Variants in ERG observed in about 807,000 individuals in gnomAD.
ERG encodes the protein ETS transcription factor ERG, also known as transcriptional regulator ERG.
Under a neutral mutation model 55.3 loss-of-function variants are expected in ERG, and 9 were observed. That is an observed-to-expected ratio of 0.16 (90% CI 0.10 to 0.28). The LOEUF (loss-of-function observed/expected upper bound fraction) is 0.28. Ranked by LOEUF, ERG falls within the 10% of genes least tolerant of loss-of-function variation. The pLI is 1.00. For missense variants in ERG, 434 were observed against 631.6 expected (o/e 0.69, Z 3.35); for synonymous variants, 223 against 237.3 (o/e 0.94, Z 0.55).
At chr21:38,597,472 TACACACACACAC>T (rs3065420) in intron 1 of ERG, among the ~76,000 whole-genome samples, 1 of 148,154 alleles carries the variant, frequency 6.7e-6, no homozygotes, top group South Asian at 2.2e-4. Context: ...TATATATATC[TACACACACACAC>T]ACACACACAC....
chr21:38,380,700 A>G lies in ERG; in HGVS notation c.*2703T>C. ...GTATTTGAAGGAACTCAGTATTATC[A>G]TGTTATCCAAAATTATCCCAGTTGC... On this transcript the variant is annotated 3_prime_UTR_variant, in exon 10 of 10. Coordinates refer to ENST00000288319, the MANE Select transcript of ERG (RefSeq NM_182918.4). 9.4e-7 allele frequency: 1 copy of G among 1,064,990 alleles called. No individual in the cohort carries two copies. The highest frequency in any genetic ancestry group is 1.1e-6 in the Non-Finnish European group (1 of 879,122). 66.0% of individuals were successfully genotyped at this position (1,064,990 alleles called of 1,614,324 possible).
chr21:38,440,378 C>T (rs2058829099), intron 2 of ERG, among the ~76,000 whole-genome samples: 1 of 152,234 alleles, frequency 6.6e-6, no homozygotes, highest in Non-Finnish European at 1.5e-5. Context: ...CCCTCCGTGG[C>T]AGAATCTGCG....
intron 9 of ERG, among the ~76,000 whole-genome samples, chr21:38,385,146 T>G (rs1236957300): frequency 1.3e-5 from 2 of 152,192 alleles, no homozygotes; most frequent in African/African-American, 4.8e-5. Flanking sequence ...GGCACATCAT[T>G]CTAGCTGCTA....
At position 38,559,134 on chromosome 21, in the gene ERG, T is replaced by C. The variant is rs185401090; in HGVS notation, c.-41+16528A>G. Among the ~76,000 whole-genome samples, 444 of 152,232 alleles carry C rather than the reference T, an allele frequency of 2.9e-3. 4 individuals are homozygous for C. The highest frequency in any genetic ancestry group is 0.01 in the African/African-American group (418 of 41,524). On this transcript the variant is annotated intron_variant, in intron 2 of 8. Transcript: ENST00000398897. ...GCCACAGACCTTGCTCCATGAATCC[T>C]AGCTGATGGGCTGGCACAGAGAGAT...
chr21:38,620,638 T>A (rs559894748), intron 1 of ERG, among the ~76,000 whole-genome samples: 1 of 152,196 alleles, frequency 6.6e-6, no homozygotes, highest in African/African-American at 2.4e-5. Context: ...GTATTATCAA[T>A]GACATTTGTG....
intron 2 of ERG, among the ~76,000 whole-genome samples, chr21:38,522,420 G>C (rs554435349): frequency 1.3e-5 from 2 of 151,970 alleles, no homozygotes; most frequent in African/African-American, 4.8e-5. Context: ...TATTGGTATT[G>C]CAAGAAGAGG....
At chr21:38,386,555 T>C (rs370583671) in intron 9 of ERG, among the ~76,000 whole-genome samples, 1 of 152,362 alleles carries the variant, frequency 6.6e-6, no homozygotes, top group East Asian at 1.9e-4. Context: ...TAAATTCTTA[T>C]TTTACTTCCA....
At chr21:38,571,469 C>A (rs2059957121) in intron 2 of ERG, among the ~76,000 whole-genome samples, 1 of 151,760 alleles carries the variant, frequency 6.6e-6, no homozygotes, top group East Asian at 1.9e-4. Context: ...CATAATCATA[C>A]CACTGCACTC....
chr21:38,585,475 A>C (rs993189354), upstream of ERG, among the ~76,000 whole-genome samples: 2 of 148,884 alleles, frequency 1.3e-5, no homozygotes, highest in Non-Finnish European at 3.0e-5. Flanking sequence ...GAAAGAAAAA[A>C]ATCTTTCTTA....
intron 1 of ERG, among the ~76,000 whole-genome samples, chr21:38,469,002 GAAAAAAA>G (rs796522125): frequency 1.6e-5 from 1 of 62,096 alleles, no homozygotes; most frequent in Non-Finnish European, 3.9e-5. Context: ...AAAAAAAAAA[GAAAAAAA>G]AAAAAGAAAA....
At position 38,403,363 on chromosome 21, in the gene ERG, A is replaced by C. The variant is rs965462465; in HGVS notation, c.592+143T>G. On this transcript the variant is annotated intron_variant, in intron 4 of 9. Coordinates refer to ENST00000288319, the MANE Select transcript of ERG (RefSeq NM_182918.4). Reference sequence around the variant, plus strand: ...TTGCTCCCCTAAGTCATCACATACCAAGCATGTGGCTCCCTCGGATCCCCA... The same window carrying C: ...TTGCTCCCCTAAGTCATCACATACCCAGCATGTGGCTCCCTCGGATCCCCA... The C allele has an allele frequency of 1.6e-5, 12 of 758,252 alleles. No individual in the cohort carries two copies. The Admixed American group carries it at 2.4e-4, about 15-fold the overall frequency. 47.0% of individuals were successfully genotyped at this position (758,252 alleles called of 1,614,324 possible).
rs1447552403 is a variant in ERG at position 38,383,602 on chromosome 21, T to G, written c.1241A>C (p.Asp414Ala). Residue 414 changes from aspartate (D) to alanine (A), a missense_variant, in exon 10 of 10, where the codon GAC becomes GCC. This residue lies in a region of ERG where 107 missense variants were observed against 126.8 expected (regional missense o/e 0.84). Transcript: ENST00000288319. The surrounding 1 kb of genome is among the most constrained non-coding windows in gnomAD (Gnocchi z 5.7). ...PESSLYKYPS[D>A]LPYMGSYHAH... is the part of the protein sequence containing the mutation. ...GTGATAGGAGCCCATGTACGGGAGG[T>G]CTGAGGGGTACTTGTACAGAGATGA... The G allele has an allele frequency of 1.2e-6, 2 of 1,612,582 alleles. No individual in the cohort carries two copies. Among genetic ancestry groups the G allele is most frequent in the Non-Finnish European group, 1.7e-6 (2 of 1,179,372 alleles).
chr21:38,573,859 G>T (rs1373558159), intron 2 of ERG, among the ~76,000 whole-genome samples: 17 of 152,188 alleles, frequency 1.1e-4, no homozygotes, highest in Admixed American at 1.1e-3. Context: ...ACCCACAGTT[G>T]TGGAGGGGAA....
intron 2 of ERG, among the ~76,000 whole-genome samples, chr21:38,571,742 C>CT (rs1262804266): frequency 3.3e-5 from 5 of 152,070 alleles, no homozygotes; most frequent in South Asian, 2.1e-4. Context: ...ACCACCCCTC[C>CT]TTTTTTTATT....
chr21:38,410,925 C>A (rs1344134926), intron 3 of ERG, among the ~76,000 whole-genome samples: 1 of 152,040 alleles, frequency 6.6e-6, no homozygotes, highest in Non-Finnish European at 1.5e-5. Flanking sequence ...ATGAAAAAAA[C>A]ATCAAAAAAT....
Position 38,380,322 on chromosome 21 carries a change from A to G in ERG, c.*3081T>C, listed in dbSNP as rs888813085. ...GGTGCCACATCTGTGCAGAAGGCTT[A>G]GGAGAAGCAGTGAGCCTTCTAACTG... is the stretch of plus-strand genomic sequence containing the variant. On this transcript the variant is annotated 3_prime_UTR_variant, in exon 10 of 10. Coordinates refer to ENST00000288319, the MANE Select transcript of ERG (RefSeq NM_182918.4). The G allele has an allele frequency of 2.4e-5, 25 of 1,056,428 alleles. No individual in the cohort carries two copies. Among genetic ancestry groups the G allele is most frequent in the Admixed American group, 1.1e-4 (2 of 18,434 alleles). 65.4% of individuals were successfully genotyped at this position (1,056,428 alleles called of 1,614,324 possible).
chr21:38,461,188 G>A (rs754398431), intron 1 of ERG, among the ~76,000 whole-genome samples: 27 of 152,132 alleles, frequency 1.8e-4, no homozygotes, highest in Non-Finnish European at 1.5e-4. Flanking sequence ...AAGTAGCAGC[G>A]GGGTTGATTC....
chr21:38,426,102 G>T (rs1018864092), intron 2 of ERG, among the ~76,000 whole-genome samples: 3 of 152,234 alleles, frequency 2.0e-5, no homozygotes, highest in Non-Finnish European at 4.4e-5. Flanking sequence ...GGCCTGGAAT[G>T]CACAGCCCTG....
intron 1 of ERG, among the ~76,000 whole-genome samples, chr21:38,497,186 T>G (rs939708642): frequency 2.0e-5 from 3 of 152,258 alleles, no homozygotes; most frequent in Non-Finnish European, 4.4e-5. Context: ...ACACAGTTTC[T>G]ATGGTACATA....
Sources: allele counts gnomAD v4.1 joint callset (sites outside exome capture counted in the v4.1 genomes callset), GRCh38; gene constraint gnomAD v4.1.1; regional missense constraint gnomAD v4.1.1; non-coding constraint Gnocchi (gnomAD v3.1); transcripts MANE v1.5; gene names NCBI Gene and HGNC (gene_info 2026-07-23, HGNC 2026-07-21).